MIGA1: variants seen among roughly 807,000 people sequenced by gnomAD.
The protein encoded by MIGA1 is family with sequence similarity 73, member A.
Under a neutral mutation model 82.0 loss-of-function variants are expected in MIGA1, and 58 were observed. The ratio of observed to expected loss-of-function variants is 0.71; its 90% CI spans 0.57 to 0.88. The LOEUF (loss-of-function observed/expected upper bound fraction) is 0.88. Ranked by LOEUF, MIGA1 falls within the 40% of genes least tolerant of loss-of-function variation. MIGA1 has a pLI of 0.00. For missense variants in MIGA1, 751 were observed against 749.1 expected, an observed-to-expected ratio of 1.00 and a Z score of -0.03; for synonymous variants, 249 against 253.6, an observed-to-expected ratio of 0.98 and a Z score of 0.17.
chr1:77,867,170 T>C (rs1020083210), intron 14 of MIGA1, among the ~76,000 whole-genome samples: 2 of 152,126 alleles, frequency 1.3e-5, no homozygotes, highest in African/African-American at 4.8e-5. Flanking sequence ...GTTTTCCTCA[T>C]ACACTCCTAG....
chr1:77,788,399 A>G (rs1682268202), intron 2 of MIGA1, among the ~76,000 whole-genome samples: 1 of 152,192 alleles, frequency 6.6e-6, no homozygotes, highest in African/African-American at 2.4e-5. Flanking sequence ...TTGGCCTCCA[A>G]AGTGCTGGGA....
intron 8 of MIGA1, among the ~76,000 whole-genome samples, chr1:77,850,381 C>G (rs924158851): frequency 6.6e-6 from 1 of 152,130 alleles, no homozygotes; most frequent in Non-Finnish European, 1.5e-5. Context: ...TCATTGAAGA[C>G]CCAATTTGGA....
chr1:77,805,248 G>C (rs1377672870), intron 4 of MIGA1, among the ~76,000 whole-genome samples: 5 of 151,838 alleles, frequency 3.3e-5, no homozygotes, highest in African/African-American at 1.2e-4. Context: ...ACCTGCCTCA[G>C]CCTCCCAAAG....
chr1:77,805,185 C>T (rs1019699670), intron 4 of MIGA1, among the ~76,000 whole-genome samples: 8 of 151,440 alleles, frequency 5.3e-5, no homozygotes, highest in Admixed American at 2.0e-4. Flanking sequence ...TTAGTAGAGA[C>T]GGGGTTTCAC....
rs556136563 is a variant in MIGA1 at position 77,848,780 on chromosome 1, A to G, written c.996+5373A>G. The G allele has an allele frequency of 6.6e-5, 85 of 1,294,696 alleles. No homozygotes were observed. The African/African-American group carries it at 1.1e-3, about 17-fold the overall frequency. The allele number at this position is 1,294,696 out of a possible 1,614,324, so 80.2% of individuals were successfully genotyped here. A position where few individuals can be genotyped will look rare whatever the true frequency, so the allele number is the denominator to read the frequency against. On this transcript the variant is annotated intron_variant, in intron 8 of 15. Transcript: ENST00000370791. The stretch of plus-strand genomic sequence containing the variant: ...ATGGTGCAGGTTAATGCAAAGAGCT[A>G]TATTGACAAACAAGATGATTGATGG...
intron 15 of MIGA1, among the ~76,000 whole-genome samples, chr1:77,874,217 G>T (rs1000080710): frequency 6.6e-6 from 1 of 151,550 alleles, no homozygotes; most frequent in African/African-American, 2.4e-5. Context: ...ATACTTATTC[G>T]TATACAGTTT....
At chr1:77,868,960 A>G (rs1214783538) in intron 14 of MIGA1, among the ~76,000 whole-genome samples, 1 of 141,294 alleles carries the variant, frequency 7.1e-6, no homozygotes, top group South Asian at 2.2e-4. Flanking sequence ...TTTATTGATC[A>G]TTCTTGGGTG....
At chr1:77,832,383 A>G (rs901042741) in intron 7 of MIGA1, among the ~76,000 whole-genome samples, 1 of 152,388 alleles carries the variant, frequency 6.6e-6, no homozygotes. Flanking sequence ...TGAAGATTTC[A>G]TCTCTGCCTT....
chr1:77,847,374 A>C (rs1008892760), intron 8 of MIGA1: 27 of 1,062,420 alleles, frequency 2.5e-5, no homozygotes, highest in Non-Finnish European at 3.8e-5. Flanking sequence ...GGAGGAAAAC[A>C]ATACTAAATT....
chr1:77,812,935 G>A (rs1268105026), intron 5 of MIGA1, among the ~76,000 whole-genome samples: 1 of 152,134 alleles, frequency 6.6e-6, no homozygotes, highest in Non-Finnish European at 1.5e-5. Context: ...ACAAAAGGTG[G>A]AAAAGGCTTT....
chr1:77,864,457 T>G (rs1475799538), intron 13 of MIGA1, among the ~76,000 whole-genome samples: 1 of 148,354 alleles, frequency 6.7e-6, no homozygotes. Flanking sequence ...AAGTGGATCA[T>G]TTGAGGTCAG....
At position 77,860,114 on chromosome 1, in the gene MIGA1, G is replaced by A. The variant is rs1685409286; in HGVS notation, c.1263G>A (p.Val421=). The stretch of plus-strand genomic sequence containing the variant: ...GGAAAATTTTATCAGCTTTAATTGT[G>A]AAAGCACGAAAGGTAAACTTGTTCT... The change falls in exon 11 of 16, where the codon GTG becomes GTA. Residue 421 remains valine (V), a synonymous_variant. Coordinates refer to ENST00000370791, the MANE Select transcript of MIGA1 (RefSeq NM_198549.4). 2 of 1,607,194 alleles carry A rather than the reference G, an allele frequency of 1.2e-6. No homozygotes were observed. The highest frequency in any genetic ancestry group is 1.3e-5 in the African/African-American group (1 of 74,698).
intron 2 of MIGA1, among the ~76,000 whole-genome samples, chr1:77,795,632 CTTTT>C (rs774683958): frequency 7.3e-6 from 1 of 136,146 alleles, no homozygotes; most frequent in Non-Finnish European, 1.6e-5. Flanking sequence ...ATATTACTTT[CTTTT>C]TTTTTTTTTT....
chr1:77,869,953 C>T (rs1357345736), intron 14 of MIGA1, among the ~76,000 whole-genome samples: 11 of 134,478 alleles, frequency 8.2e-5, no homozygotes, highest in South Asian at 2.3e-4. Flanking sequence ...GGCGGCTGGC[C>T]GGGCGGGGGG....
intron 7 of MIGA1, among the ~76,000 whole-genome samples, chr1:77,829,180 G>A (rs1345494230): frequency 6.6e-6 from 1 of 152,134 alleles, no homozygotes. Flanking sequence ...AGCACTTTGG[G>A]AGGCCAAGGT....
intron 7 of MIGA1, among the ~76,000 whole-genome samples, chr1:77,827,640 A>G (rs1432156627): frequency 2.0e-5 from 3 of 152,190 alleles, no homozygotes; most frequent in Non-Finnish European, 4.4e-5. Context: ...AAAAGTGAGG[A>G]TGGGTTTGCA....
intron 14 of MIGA1, among the ~76,000 whole-genome samples, chr1:77,869,680 G>A (rs1685837073): frequency 2.4e-5 from 3 of 126,024 alleles, no homozygotes; most frequent in East Asian, 2.7e-4. Flanking sequence ...CGGACGGGGC[G>A]GCCGGCTGGG....
chr1:77,789,289 G>C (rs1682310634), intron 2 of MIGA1, among the ~76,000 whole-genome samples: 1 of 147,298 alleles, frequency 6.8e-6, no homozygotes, highest in African/African-American at 2.5e-5. Flanking sequence ...GCTCACTGCA[G>C]CTGAATCCTC....
rs114218724 is a variant in MIGA1, at chr1:77,815,201, T to C, written c.865T>C (p.Ser289Pro). The C allele has an allele frequency of 7.0e-5, 112 of 1,607,614 alleles. No individual in the cohort carries two copies. The African/African-American group carries it at 1.4e-3, about 20-fold the overall frequency. Residue 289 changes from serine to proline, a missense_variant, in exon 7 of 16, where the codon TCT becomes CCT. Around this residue, in one of 3 missense-constraint regions of MIGA1, gnomAD observed 482 missense variants for 439.4 expected, o/e 1.10. Transcript: ENST00000370791. ...GGAGTTTGAAGCTACCCTTGGGGCA[T>C]CTGATCCTAATTCCCTTGCTGATGA...
Sources: allele counts gnomAD v4.1 joint callset (sites outside exome capture counted in the v4.1 genomes callset), GRCh38; gene constraint gnomAD v4.1.1; regional missense constraint gnomAD v4.1.1; transcripts MANE v1.5; gene names NCBI Gene and HGNC (gene_info 2026-07-23, HGNC 2026-07-21).